Variants in CHSY3 observed in about 807,000 individuals in gnomAD.
CHSY3 encodes chondroitin sulfate synthase 3, also known as N-acetylgalactosaminyl-proteoglycan 3-beta-glucuronosyltransferase 3.
CHSY3 carries 35 observed loss-of-function variants against 67.2 expected under a neutral mutation model. The ratio of observed to expected loss-of-function variants is 0.52; its 90% CI spans 0.40 to 0.69. The LOEUF (loss-of-function observed/expected upper bound fraction) is 0.69. Among genes scored for constraint, CHSY3 ranks in the 30% least tolerant of loss-of-function variants. The pLI, the probability that CHSY3 is intolerant of heterozygous loss-of-function variation, is 0.00. For synonymous variants in CHSY3, 474 were observed against 434.7 expected (o/e 1.09, Z -1.12); for missense variants, 1,069 against 1,138.5 (o/e 0.94, Z 0.88).
chr5:129,999,875 C>T (rs1345319383), intron 2 of CHSY3, among the ~76,000 whole-genome samples: 2 of 152,020 alleles, frequency 1.3e-5, no homozygotes, highest in African/African-American at 4.8e-5. Context: ...ACCTTTGTGA[C>T]AACATCTAGG....
At chr5:130,032,863 G>T (rs972482694) in intron 2 of CHSY3, among the ~76,000 whole-genome samples, 5 of 152,124 alleles carry the variant, frequency 3.3e-5, no homozygotes, top group Non-Finnish European at 5.9e-5. Context: ...CCAATTAGTT[G>T]GGCCAGGGAA....
intron 2 of CHSY3, among the ~76,000 whole-genome samples, chr5:129,993,765 G>A (rs1359470182): frequency 1.3e-5 from 2 of 151,834 alleles, no homozygotes; most frequent in African/African-American, 4.8e-5. Context: ...GATGTTAGCT[G>A]GTTATTTTGC....
chr5:130,104,322 T>C (rs957172843), intron 2 of CHSY3, among the ~76,000 whole-genome samples: 11 of 151,962 alleles, frequency 7.2e-5, no homozygotes, highest in Non-Finnish European at 2.9e-5. Flanking sequence ...ATGGGAATCC[T>C]TTCTCACCGA....
At chr5:130,126,265 C>T (rs1385141337) in intron 2 of CHSY3, among the ~76,000 whole-genome samples, 1 of 150,666 alleles carries the variant, frequency 6.6e-6, no homozygotes, top group Non-Finnish European at 1.5e-5. Context: ...GAAAAAAGAC[C>T]AATGATTATT....
In CHSY3 at chr5:130,160,913, T is replaced by TA. The variant is rs1228187946; in HGVS notation, c.1087-23316_1087-23315insA. Among the ~76,000 whole-genome samples, 3 of 133,126 alleles carry TA rather than the reference T, an allele frequency of 2.3e-5. No homozygotes were observed. The Admixed American group carries it at 2.3e-4, about 10-fold the overall frequency. The allele number at this position is 133,126 out of a possible 152,430, so 87.3% of individuals were successfully genotyped here. A position where few individuals can be genotyped will look rare whatever the true frequency, so the allele number is the denominator to read the frequency against. On this transcript the variant is annotated intron_variant, in intron 2 of 2. Transcript: ENST00000305031. ...TTTATTTATTTTTTTTTTTTTATTT[T>TA]TTTTTTTTTGAGACGGAGTCTCACT...
intron 2 of CHSY3, among the ~76,000 whole-genome samples, chr5:129,962,924 T>C (rs1762374246): frequency 6.6e-6 from 1 of 152,128 alleles, no homozygotes; most frequent in East Asian, 1.9e-4. Context: ...TGATAGCCCA[T>C]TCTGGAACAG....
rs1402544218 is a variant in CHSY3 at position 130,143,730 on chromosome 5, G to A, written c.1087-40499G>A. Among the ~76,000 whole-genome samples the A allele has an allele frequency of 9.5e-3, 993 of 104,232 alleles. 51 individuals are homozygous for A. The highest frequency in any genetic ancestry group is 0.077 in the East Asian group (213 of 2,764). The allele number at this position is 104,232 out of a possible 152,430, so 68.4% of individuals were successfully genotyped here. On this transcript the variant is annotated intron_variant, in intron 2 of 2. Coordinates refer to ENST00000305031, the MANE Select transcript of CHSY3 (RefSeq NM_175856.5). ...AGGGTATATATATATATGTGTGTGT[G>A]TGTGTATATATATATATATATATAT...
chr5:130,148,636 C>G (rs1442197769), intron 2 of CHSY3, among the ~76,000 whole-genome samples: 1 of 152,116 alleles, frequency 6.6e-6, no homozygotes, highest in Admixed American at 6.6e-5. Context: ...TTGCATTTCT[C>G]TAATGATCAG....
intron 2 of CHSY3, among the ~76,000 whole-genome samples, chr5:129,960,638 T>TATTC (rs1762303688): frequency 6.6e-6 from 1 of 152,072 alleles, no homozygotes; most frequent in Admixed American, 6.6e-5. Flanking sequence ...ACTCTCAATG[T>TATTC]AATAATCTCT....
intron 2 of CHSY3, among the ~76,000 whole-genome samples, chr5:130,069,656 TATATC>T (rs1765997328): frequency 6.6e-6 from 1 of 152,110 alleles, no homozygotes; most frequent in Non-Finnish European, 1.5e-5. Context: ...ATTTACATAT[TATATC>T]ATATATGATT....
chr5:130,161,032 G>A (rs1255584549), intron 2 of CHSY3, among the ~76,000 whole-genome samples: 1 of 151,554 alleles, frequency 6.6e-6, no homozygotes, highest in African/African-American at 2.4e-5. Context: ...AGCCTCCCTG[G>A]TAGCTGGGAC....
chr5:130,037,186 C>G (rs949432638), intron 2 of CHSY3, among the ~76,000 whole-genome samples: 36 of 152,122 alleles, frequency 2.4e-4, no homozygotes, highest in African/African-American at 7.2e-4. Context: ...TACTTAATTT[C>G]TGGAACCCAC....
chr5:130,033,269 G>T (rs1327555708), intron 2 of CHSY3, among the ~76,000 whole-genome samples: 1 of 152,046 alleles, frequency 6.6e-6, no homozygotes, highest in Non-Finnish European at 1.5e-5. Flanking sequence ...TCATCATTTG[G>T]ATTTTCTTCA....
chr5:130,169,714 C>CCAAT (rs1423986103), intron 2 of CHSY3, among the ~76,000 whole-genome samples: 2 of 149,762 alleles, frequency 1.3e-5, no homozygotes, highest in Non-Finnish European at 3.0e-5. Flanking sequence ...GTAATTACAA[C>CCAAT]CAATCCAACC....
intron 2 of CHSY3, among the ~76,000 whole-genome samples, chr5:130,175,785 G>A (rs1053411579): frequency 3.3e-5 from 5 of 152,104 alleles, no homozygotes; most frequent in Admixed American, 6.5e-5. Context: ...AATGGTGTTG[G>A]GAAAACTGGC....
chr5:129,962,611 G>A (rs1762363787), intron 2 of CHSY3, among the ~76,000 whole-genome samples: 1 of 151,938 alleles, frequency 6.6e-6, no homozygotes, highest in Non-Finnish European at 1.5e-5. Context: ...ATCCTGCATG[G>A]TCTGACACCT....
intron 2 of CHSY3, among the ~76,000 whole-genome samples, chr5:130,034,656 C>CA (rs954402438): frequency 2.6e-5 from 4 of 151,756 alleles, no homozygotes; most frequent in Non-Finnish European, 5.9e-5. Context: ...AGTAAGCAAT[C>CA]AAAAAAAATT....
In CHSY3 at chr5:129,938,135, T is replaced by C. The variant is rs149804511; in HGVS notation, c.1086+29775T>C. Among the ~76,000 whole-genome samples, 456 of 152,348 alleles carry C rather than the reference T, an allele frequency of 3.0e-3. 4 individuals carry two copies. The highest frequency in any genetic ancestry group is 0.01 in the African/African-American group (435 of 41,590). On this transcript the variant is annotated intron_variant, in intron 2 of 2. Coordinates refer to ENST00000305031, the MANE Select transcript of CHSY3 (RefSeq NM_175856.5). ...ATGTGGAAGCCACCAAACGTGGGGC[T>C]TGTACCCTCCAAAGCAACAGCCCAA...
chr5:130,168,914 T>TTTG (rs1769822996), intron 2 of CHSY3, among the ~76,000 whole-genome samples: 1 of 152,066 alleles, frequency 6.6e-6, no homozygotes, highest in Non-Finnish European at 1.5e-5. Context: ...AAGGACCATT[T>TTTG]TTGTTGTTGT....
Sources: allele counts gnomAD v4.1 joint callset (sites outside exome capture counted in the v4.1 genomes callset), GRCh38; gene constraint gnomAD v4.1.1; transcripts MANE v1.5; gene names NCBI Gene and HGNC (gene_info 2026-07-23, HGNC 2026-07-21).